Variants in BGN observed in about 807,000 individuals in gnomAD.
BGN encodes biglycan, also known as bone/cartilage proteoglycan-I.
A neutral mutation model predicts 20.0 loss-of-function variants in BGN; 6 were observed. The ratio of observed to expected loss-of-function variants is 0.30; its 90% CI spans 0.16 to 0.59. The LOEUF is 0.59. Ranked by LOEUF, BGN falls within the 20% of genes least tolerant of loss-of-function variation. The probability of loss-of-function intolerance (pLI) is 0.88; values close to 1 mark genes in which losing one functional copy is unlikely to be tolerated. For synonymous variants in BGN, 146 were observed against 134.6 expected (o/e 1.08, Z -0.59); for missense variants, 292 against 312.1 (o/e 0.94, Z 0.49).
chrX:153,502,642 G>C (rs1310189315), intron 1 of BGN, among the ~76,000 whole-genome samples: 1 of 113,141 alleles, frequency 8.8e-6, no homozygotes, highest in Non-Finnish European at 1.9e-5. Flanking sequence ...CTGCTGGGCC[G>C]GCCTGAGGCT....
intron 1 of BGN, among the ~76,000 whole-genome samples, chrX:153,502,392 C>A (rs1053849631): frequency 2.7e-5 from 3 of 112,012 alleles, no homozygotes; most frequent in African/African-American, 9.7e-5. Flanking sequence ...CTCCTCCCTC[C>A]CCCACTCCAT....
intron 1 of BGN, among the ~76,000 whole-genome samples, chrX:153,503,615 G>A (rs951496563): frequency 8.9e-6 from 1 of 112,127 alleles, no homozygotes; most frequent in Admixed American, 9.3e-5. Flanking sequence ...GCCTCTGGAC[G>A]GGAGACCGTG....
At position 153,505,195 on chromosome X, in the gene BGN, C is replaced by T; in HGVS notation, c.239-43C>T. On this transcript the variant is annotated intron_variant, in intron 2 of 7. Coordinates refer to ENST00000331595, the MANE Select transcript of BGN (RefSeq NM_001711.6). ...CATGCTGGTGGTGGGGGTGGGGCCC[C>T]TAGGTCTCAAGTTCATGCTGGTGAT... 7 of 1,107,590 alleles carry T rather than the reference C, an allele frequency of 6.3e-6. No individual in the cohort carries two copies. In the South Asian group the frequency reaches 9.9e-5, roughly 16 times the overall value. The allele number at this position is 1,107,590 out of a possible 1,213,427, so 91.3% of individuals were successfully genotyped here.
intron 1 of BGN, among the ~76,000 whole-genome samples, chrX:153,497,969 C>T (rs2089730875): frequency 2.7e-5 from 3 of 112,417 alleles, no homozygotes; most frequent in Non-Finnish European, 5.6e-5. Flanking sequence ...TTGGCTCTTC[C>T]GAGGACTGCA....
chrX:153,505,708 G>A (rs1346401675), intron 3 of BGN, among the ~76,000 whole-genome samples, 155 bp from the exon 4 acceptor site: 1 of 110,408 alleles, frequency 9.1e-6, no homozygotes, highest in African/African-American at 3.3e-5. Flanking sequence ...CTCAGGACCG[G>A]GCCTGGGTGC....
At position 153,504,685 on chromosome X, in the gene BGN, C is replaced by G. The variant is rs782068945; in HGVS notation, c.54C>G (p.Pro18=). 5.8e-6 allele frequency: 7 copies of G among 1,212,055 alleles called. No individual in the cohort carries two copies. The Admixed American group carries it at 1.5e-4, about 26-fold the overall frequency. Residue 18 remains proline (P), a synonymous_variant, in exon 2 of 8, where the codon CCC becomes CCG. Transcript: ENST00000331595. ...VSLLALSQAL[P]FEQRGFWDFT... is the part of the protein sequence containing the mutation. ...TGCTGGCCCTGAGCCAGGCCCTGCC[C>G]TTTGAGCAGAGAGGCTTCTGGGACT... is the stretch of plus-strand genomic sequence containing the variant.
intron 1 of BGN, among the ~76,000 whole-genome samples, chrX:153,502,307 T>G (rs1317458666): frequency 4.5e-5 from 5 of 111,728 alleles, no homozygotes; most frequent in African/African-American, 1.6e-4. Context: ...TCTGGCGGGG[T>G]GTCCCAGCCC....
intron 1 of BGN, among the ~76,000 whole-genome samples, chrX:153,500,770 C>T (rs61691002): frequency 0.12 from 12,460 of 105,915 alleles, 706 homozygotes; most frequent in East Asian, 0.47. Context: ...TGTATGTGTG[C>T]GTGTGTGTGC....
intron 7 of BGN, among the ~76,000 whole-genome samples, chrX:153,507,449 G>A (rs781783057): frequency 1.8e-5 from 2 of 112,698 alleles, no homozygotes; most frequent in Non-Finnish European, 3.8e-5. Context: ...GCAGAGTCCA[G>A]GGAGTCGAGA....
intron 1 of BGN, 73 bp from the exon 2 acceptor site, chrX:153,504,548 C>T (rs1202162193): frequency 1.2e-5 from 11 of 906,294 alleles, no homozygotes; most frequent in Admixed American, 8.4e-5. Context: ...ACCACACACG[C>T]GGAACACCAG....
chrX:153,505,609 C>A (rs782094238), intron 3 of BGN, among the ~76,000 whole-genome samples: 130 of 112,219 alleles, frequency 1.2e-3, no homozygotes, highest in Non-Finnish European at 2.3e-3. Context: ...CTCCTCCCAG[C>A]AACAGAGGAG....
intron 7 of BGN, among the ~76,000 whole-genome samples, chrX:153,507,652 C>G (rs782211759): frequency 8.8e-6 from 1 of 113,457 alleles, no homozygotes; most frequent in South Asian, 3.6e-4. Context: ...TGGAGCACCC[C>G]CATCCGCACC....
At position 153,507,078 on chromosome X, in the gene BGN, A is replaced by G; in HGVS notation, c.802A>G (p.Ile268Val). Reference sequence around the variant, plus strand: ...CCTAGGCCACAACCAGATCAGGATGATCGAGAACGGGAGCCTGAGCTTCCT... The same window carrying G: ...CCTAGGCCACAACCAGATCAGGATGGTCGAGAACGGGAGCCTGAGCTTCCT... ...LGLGHNQIRMIENGSLSFLPT... is the reference protein window; with the variant it reads ...LGLGHNQIRMVENGSLSFLPT... Residue 268 changes from isoleucine to valine, a missense_variant, in exon 7 of 8, where the codon ATC becomes GTC. Physicochemically the swap from Ile to Val is conservative, Grantham distance 29 (BLOSUM62 3). Coordinates refer to ENST00000331595, the MANE Select transcript of BGN (RefSeq NM_001711.6). The G allele has an allele frequency of 8.3e-7, 1 of 1,208,254 alleles. No homozygotes were observed. The highest frequency in any genetic ancestry group is 2.2e-5 in the Admixed American group (1 of 45,638).
intron 1 of BGN, 121 bp from the exon 2 acceptor site, chrX:153,504,500 G>T (rs1556992562): frequency 8.4e-6 from 5 of 595,020 alleles, no homozygotes; most frequent in Non-Finnish European, 1.3e-5. Flanking sequence ...CCGCTCCAGG[G>T]TCTGGCCGTC....
At position 153,506,914 on chromosome X, in the gene BGN, A is replaced by G; in HGVS notation, c.761A>G (p.Lys254Arg). 8.3e-7 allele frequency: 1 copy of G among 1,211,245 alleles called. No individual in the cohort carries two copies. The highest frequency in any genetic ancestry group is 1.1e-6 in the Non-Finnish European group (1 of 894,926). ...CTGGAGGACCTGCTTCGCTACTCCAAGCTGTACAGGTGAGGCCAGCAGGGC... is the reference window on the plus strand; with the variant it reads ...CTGGAGGACCTGCTTCGCTACTCCAGGCTGTACAGGTGAGGCCAGCAGGGC... Reference protein sequence around the residue: ...IELEDLLRYSKLYRLGLGHNQ... With the variant: ...IELEDLLRYSRLYRLGLGHNQ... Residue 254 changes from lysine (K) to arginine (R), a missense_variant, in exon 6 of 8, where the codon AAG becomes AGG. Transcript: ENST00000331595.
chrX:153,501,829 C>T lies in BGN; in HGVS notation c.-11-2792C>T, dbSNP rs782152374. Among the ~76,000 whole-genome samples the T allele has an allele frequency of 6.2e-5, 7 of 112,669 alleles. No homozygotes were observed. The South Asian group carries it at 2.5e-3, about 41-fold the overall frequency. On this transcript the variant is annotated intron_variant, in intron 1 of 7. Transcript: ENST00000331595. ...GCCCGGGTGTATGGGCCTTCCAGCC[C>T]TCAGCCTCCCTCCCCGCTCTGAGGG...
intron 1 of BGN, among the ~76,000 whole-genome samples, chrX:153,503,631 T>TGAG (rs1301656040): frequency 9.0e-6 from 1 of 111,438 alleles, no homozygotes; most frequent in Non-Finnish European, 1.9e-5. Context: ...CCGTGTCTGA[T>TGAG]GAGGAGGGAG....
Position 153,505,881 on chromosome X carries a change from A to G in BGN, c.370A>G (p.Asn124Asp), listed in dbSNP as rs2089796765. 4.1e-6 allele frequency: 5 copies of G among 1,211,354 alleles called. No homozygotes were observed. The East Asian group carries it at 1.5e-4, about 36-fold the overall frequency. Residue 124 changes from asparagine to aspartate, a missense_variant, in exon 4 of 8, where the codon AAC becomes GAC. Asn to Asp is a conservative substitution (Grantham distance 23). Coordinates refer to ENST00000331595, the MANE Select transcript of BGN (RefSeq NM_001711.6). Reference sequence around the variant, plus strand: ...GCTTCAGGCCCTCGTCCTGGTGAACAACAAGATCTCCAAGATCCATGAGAA... The same window carrying G: ...GCTTCAGGCCCTCGTCCTGGTGAACGACAAGATCTCCAAGATCCATGAGAA... ...QHLYALVLVN[N>D]KISKIHEKAF...
chrX:153,496,948 G>GCCCCCCCCCCCCCCCCCCC (rs782676136), intron 1 of BGN, among the ~76,000 whole-genome samples: 5 of 57,188 alleles, frequency 8.7e-5, no homozygotes, highest in East Asian at 9.8e-4. Context: ...TGCTTCCCGG[G>GCCCCCCCCCCCCCCCCCCC]CCCACCCCCC....
Sources: allele counts gnomAD v4.1 joint callset (sites outside exome capture counted in the v4.1 genomes callset), GRCh38; gene constraint gnomAD v4.1.1; transcripts MANE v1.5; gene names NCBI Gene and HGNC (gene_info 2026-07-23, HGNC 2026-07-21).